GMCL1: variants seen among roughly 807,000 people sequenced by gnomAD.
GMCL1 encodes the protein germ cell-less protein-like 1.
Under a neutral mutation model 75.5 loss-of-function variants are expected in GMCL1, and 54 were observed. The observed-to-expected ratio is 0.71, with a 90% CI of 0.57 to 0.90. The LOEUF (loss-of-function observed/expected upper bound fraction) is 0.90, where lower values mean the gene tolerates loss of function less well. Among genes scored for constraint, GMCL1 ranks in the 40% least tolerant of loss-of-function variants. GMCL1 has a pLI of 0.00. For missense variants in GMCL1, 537 were observed against 622.7 expected (o/e 0.86, Z 1.47); for synonymous variants, 210 against 209.6 (o/e 1.00, Z -0.02).
intron 12 of GMCL1, 90 bp from the exon 13 acceptor site, chr2:69,871,655 G>A: frequency 3.0e-6 from 2 of 677,318 alleles, no homozygotes; most frequent in Non-Finnish European, 4.8e-6. Flanking sequence ...AAAAAACAGA[G>A]GAAAAAGTAA....
At position 69,877,468 on chromosome 2, in the gene GMCL1, C is replaced by T. The variant is rs374540191; in HGVS notation, c.1453-1441C>T. Among the ~76,000 whole-genome samples the T allele has an allele frequency of 1.3e-4, 20 of 152,134 alleles. 2 individuals carry two copies. The highest frequency in any genetic ancestry group is 9.6e-4 in the East Asian group (5 of 5,184). On this transcript the variant is annotated intron_variant, in intron 13 of 13. Transcript: ENST00000282570. ...ATCTTGATTTTTATCATCAGATATA[C>T]ATATCATCAAAACATTTGTCCTCAA... is the stretch of plus-strand genomic sequence containing the variant.
intron 9 of GMCL1, among the ~76,000 whole-genome samples, chr2:69,861,033 G>A (rs190212161): frequency 6.6e-6 from 1 of 152,244 alleles, no homozygotes; most frequent in Non-Finnish European, 1.5e-5. Flanking sequence ...AGTAGAGACG[G>A]GGTTTTGCCA....
In GMCL1 at chr2:69,847,667, A is replaced by T. The variant is rs755907501; in HGVS notation, c.843+40A>T. ...TGATGTCATATTATACAAGGATGTCACCTCAGCAATGCGTATAATGGTGAA... is the reference window on the plus strand; with the variant it reads ...TGATGTCATATTATACAAGGATGTCTCCTCAGCAATGCGTATAATGGTGAA... On this transcript the variant is annotated intron_variant, in intron 7 of 13. Transcript: ENST00000282570. 6.5e-6 allele frequency: 8 copies of T among 1,231,038 alleles called. No individual in the cohort carries two copies. The South Asian group carries it at 8.5e-5, about 13-fold the overall frequency. 76.3% of individuals were successfully genotyped at this position (1,231,038 alleles called of 1,614,324 possible). A position where few individuals can be genotyped will look rare whatever the true frequency, so the allele number is the denominator to read the frequency against.
At chr2:69,872,086 A>G (rs912724575) in intron 13 of GMCL1, among the ~76,000 whole-genome samples, 2 of 152,208 alleles carry the variant, frequency 1.3e-5, no homozygotes, top group African/African-American at 2.4e-5. Context: ...TAAGGAAATA[A>G]TTGTTTATCC....
chr2:69,867,073 T>G (rs2104033389), intron 11 of GMCL1, among the ~76,000 whole-genome samples: 1 of 152,096 alleles, frequency 6.6e-6, no homozygotes, highest in African/African-American at 2.4e-5. Flanking sequence ...GCCTCCCAAG[T>G]AGCTGGGACT....
At position 69,848,944 on chromosome 2, in the gene GMCL1, A is replaced by C. The variant is rs530055993; in HGVS notation, c.844-708A>C. Among the ~76,000 whole-genome samples the C allele has an allele frequency of 3.3e-5, 5 of 152,300 alleles. No homozygotes were observed. In the South Asian group the frequency reaches 1.0e-3, roughly 32 times the overall value. ...TATCTCAGCAGCAGTAAGACAAAGA[A>C]GCTCCTTTTTCCCATGTTCATTTCT... On this transcript the variant is annotated intron_variant, in intron 7 of 13. Transcript: ENST00000282570.
At chr2:69,869,591 A>AC in intron 11 of GMCL1, 128 bp from the exon 12 acceptor site, 1 of 824,224 alleles carries the variant, frequency 1.2e-6, no homozygotes, top group South Asian at 1.8e-5. Context: ...AAAGTCACTG[A>AC]CAAAAAGTCG....
At position 69,829,741 on chromosome 2, in the gene GMCL1, G is replaced by A; in HGVS notation, c.-152G>A. On this transcript the variant is annotated 5_prime_UTR_variant, in exon 1 of 14. An upstream start codon of the reference 5' UTR is lost. Coordinates refer to ENST00000282570, the MANE Select transcript of GMCL1 (RefSeq NM_178439.5). ...GGACGCTGCGGGCGGGGAAGAGGAT[G>A]GAGACTGTGGCGTCCGCTGCAACGG... 1.2e-6 allele frequency: 1 copy of A among 842,492 alleles called. No homozygotes were observed. The highest frequency in any genetic ancestry group is 1.8e-6 in the Non-Finnish European group (1 of 565,402). 52.2% of individuals were successfully genotyped at this position (842,492 alleles called of 1,614,324 possible). A position where few individuals can be genotyped will look rare whatever the true frequency, so the allele number is the denominator to read the frequency against.
Position 69,843,196 on chromosome 2 carries a change from T to C in GMCL1, c.627T>C (p.Asn209=). 6.2e-7 allele frequency: 1 copy of C among 1,612,532 alleles called. No individual in the cohort carries two copies. Among genetic ancestry groups the C allele is most frequent in the East Asian group, 2.2e-5 (1 of 44,822 alleles). The change falls in exon 5 of 14, where the codon AAT becomes AAC. Residue 209 remains asparagine, a synonymous_variant. Transcript: ENST00000282570. ...QCGETMKETV[N]VKTVCGYYTS... is the part of the protein sequence containing the mutation. Reference sequence around the variant, plus strand: ...GTGAGACAATGAAGGAAACAGTTAATGTGAAAACTGTATGTGGCTATTACA... The same window carrying C: ...GTGAGACAATGAAGGAAACAGTTAACGTGAAAACTGTATGTGGCTATTACA...
chr2:69,855,608 T>C (rs1675448082), intron 9 of GMCL1, among the ~76,000 whole-genome samples: 1 of 152,150 alleles, frequency 6.6e-6, no homozygotes. Flanking sequence ...GCTATATGTT[T>C]ATAGATTTTT....
intron 6 of GMCL1, among the ~76,000 whole-genome samples, chr2:69,845,509 C>T (rs1675116460): frequency 6.6e-6 from 1 of 152,200 alleles, no homozygotes; most frequent in African/African-American, 2.4e-5. Flanking sequence ...CTCCTGAGCT[C>T]AAGCAGTCCT....
In GMCL1 at chr2:69,843,244, A is replaced by G. The variant is rs755175408; in HGVS notation, c.675A>G (p.Leu225=). 1.9e-6 allele frequency: 3 copies of G among 1,587,662 alleles called. No individual in the cohort carries two copies. The African/African-American group carries it at 4.0e-5, about 21-fold the overall frequency. The change falls in exon 5 of 14, where the codon TTA becomes TTG. Residue 225 remains leucine (L), a synonymous_variant. Coordinates refer to ENST00000282570, the MANE Select transcript of GMCL1 (RefSeq NM_178439.5). The part of the protein sequence containing the change: ...GYYTSAGTYG[L]DSVKKKCLEW... ...ACACATCAGCAGGGACCTATGGATT[A>G]GATTCTGTAAAGAAAAAGTGAGTTG...
At position 69,851,519 on chromosome 2, in the gene GMCL1, A is replaced by G. The variant is rs540734228; in HGVS notation, c.934+1777A>G. Among the ~76,000 whole-genome samples, 13 of 152,212 alleles carry G rather than the reference A, an allele frequency of 8.5e-5. No individual in the cohort carries two copies. The South Asian group carries it at 2.7e-3, about 32-fold the overall frequency. On this transcript the variant is annotated intron_variant, in intron 8 of 13. Coordinates refer to ENST00000282570, the MANE Select transcript of GMCL1 (RefSeq NM_178439.5). ...CAGCTGCTAGGGAGGCTGAAGGAGGAGAATCGCTGGAAACCAGAAGGCGGA... is the reference window on the plus strand; with the variant it reads ...CAGCTGCTAGGGAGGCTGAAGGAGGGGAATCGCTGGAAACCAGAAGGCGGA...
intron 6 of GMCL1, chr2:69,844,771 A>G: frequency 3.7e-6 from 1 of 271,028 alleles, no homozygotes; most frequent in Non-Finnish European, 8.2e-6. Context: ...GTGAGCTGTG[A>G]TTGCGACACT....
chr2:69,875,433 T>C (rs550039638), intron 13 of GMCL1, among the ~76,000 whole-genome samples: 74 of 152,280 alleles, frequency 4.9e-4, no homozygotes, highest in African/African-American at 1.7e-3. Context: ...TTTTCAAAAA[T>C]CTCTCAGTTC....
intron 7 of GMCL1, among the ~76,000 whole-genome samples, chr2:69,848,724 C>G (rs1273933050): frequency 6.6e-6 from 1 of 152,154 alleles, no homozygotes; most frequent in Non-Finnish European, 1.5e-5. Flanking sequence ...CTAATACTTA[C>G]AGGATGTTTA....
In GMCL1 at chr2:69,847,633, G is replaced by A; in HGVS notation, c.843+6G>A. 1 of 1,545,198 alleles carries A rather than the reference G, an allele frequency of 6.5e-7. No individual in the cohort carries two copies. The highest frequency in any genetic ancestry group is 8.9e-7 in the Non-Finnish European group (1 of 1,118,746). On this transcript the variant is annotated splice_donor_region_variant and intron_variant, in intron 7 of 13. Transcript: ENST00000282570. Reference sequence around the variant, plus strand: ...TATACACTGCTCTAAAAAAGGTACTGACGTAATATGATGTCATATTATACA... The same window carrying A: ...TATACACTGCTCTAAAAAAGGTACTAACGTAATATGATGTCATATTATACA...
intron 6 of GMCL1, chr2:69,844,716 G>C (rs146290803): frequency 5.8e-6 from 1 of 173,666 alleles, no homozygotes; most frequent in Non-Finnish European, 1.3e-5. Context: ...CTACTCTGGA[G>C]GCTGAGGCAG....
At position 69,829,903 on chromosome 2, in the gene GMCL1, T is replaced by A; in HGVS notation, c.11T>A (p.Leu4Ter). Reference sequence around the variant, plus strand: ...GGGGAGCCGTGACCCATGGGATCGTTGAGCAGCCGGGTGCTGCGCCAGCCA... The same window carrying A: ...GGGGAGCCGTGACCCATGGGATCGTAGAGCAGCCGGGTGCTGCGCCAGCCA... The part of the protein sequence containing the change: MGS[L>*]SSRVLRQPRP... The change falls in exon 1 of 14, where the codon TTG becomes TAG. Residue 4 changes from leucine (L) to a stop codon, truncating the protein, a stop_gained. Transcript: ENST00000282570. LOFTEE classifies it high-confidence loss of function. 6.2e-7 allele frequency: 1 copy of A among 1,600,442 alleles called. No homozygotes were observed. Among genetic ancestry groups the A allele is most frequent in the African/African-American group, 1.3e-5 (1 of 74,690 alleles).
Sources: gnomAD v4.1 joint callset for allele counts (sites outside exome capture counted in the v4.1 genomes callset) on GRCh38, gnomAD v4.1.1 for gene constraint, MANE v1.5 for transcripts, NCBI Gene and HGNC (gene_info 2026-07-23, HGNC 2026-07-21) for gene names.